The following TMPRSS15 variants were observed in gnomAD, a reference collection of about 807,000 sequenced individuals.
The protein encoded by TMPRSS15 is enteropeptidase.
Under a neutral mutation model 125.3 loss-of-function variants are expected in TMPRSS15, and 128 were observed. That is an observed-to-expected ratio of 1.02 (90% CI 0.89 to 1.18). TMPRSS15 has a LOEUF of 1.18. TMPRSS15 is among the 50% of genes most tolerant of loss of function. TMPRSS15 has a pLI of 0.00. For missense variants in TMPRSS15, 1,283 were observed against 1,212.7 expected (o/e 1.06, Z -0.86); for synonymous variants, 446 against 423.2 (o/e 1.05, Z -0.66).
chr21:18,400,322 G>A (rs1047304868), intron 1 of TMPRSS15, among the ~76,000 whole-genome samples: 7 of 152,038 alleles, frequency 4.6e-5, no homozygotes, highest in African/African-American at 1.4e-4. Context: ...GCAACTTCAT[G>A]CTATACTATA....
rs1408857336 is a variant in TMPRSS15 at position 18,312,737 on chromosome 21, G to A, written c.2165+208C>T. On this transcript the variant is annotated intron_variant, in intron 18 of 24. Coordinates refer to ENST00000284885, the MANE Select transcript of TMPRSS15 (RefSeq NM_002772.3). ...ATTGTATTTTATATAATATTTACATGTACTTTATACAGTATTCATACAAAG... is the reference window on the plus strand; with the variant it reads ...ATTGTATTTTATATAATATTTACATATACTTTATACAGTATTCATACAAAG... Among the ~76,000 whole-genome samples the A allele has an allele frequency of 3.3e-5, 5 of 151,788 alleles. No individual in the cohort carries two copies. In the East Asian group the frequency reaches 5.9e-4, roughly 18 times the overall value.
chr21:18,414,875 C>T (rs2076176171), intron 1 of TMPRSS15, among the ~76,000 whole-genome samples: 1 of 152,056 alleles, frequency 6.6e-6, no homozygotes, highest in Non-Finnish European at 1.5e-5. Flanking sequence ...GGGATATATA[C>T]CCAGAAGTGG....
At chr21:18,383,537 A>C (rs2075912795) in intron 4 of TMPRSS15, 90 bp downstream of exon 4, 3 of 1,465,764 alleles carry the variant, frequency 2.0e-6, no homozygotes, top group African/African-American at 2.8e-5. Flanking sequence ...CCTAAGGTCA[A>C]GCATGATTCC....
At chr21:18,272,036 A>AAAT (rs1392307092) in intron 24 of TMPRSS15, among the ~76,000 whole-genome samples, 1 of 152,214 alleles carries the variant, frequency 6.6e-6, no homozygotes, top group East Asian at 1.9e-4. Flanking sequence ...GTGCTGCAAT[A>AAAT]AATACACGTG....
chr21:18,465,150 T>A (rs905883698), intron 1 of TMPRSS15, among the ~76,000 whole-genome samples: 1 of 152,006 alleles, frequency 6.6e-6, no homozygotes, highest in African/African-American at 2.4e-5. Flanking sequence ...ACAGAACCAA[T>A]GACAAAAACC....
chr21:18,376,374 G>A (rs1216968278), intron 5 of TMPRSS15, among the ~76,000 whole-genome samples: 2 of 151,982 alleles, frequency 1.3e-5, no homozygotes, highest in Non-Finnish European at 2.9e-5. Context: ...GAAAAAGAAC[G>A]ATTCCTAAAG....
In TMPRSS15 at chr21:18,396,847, T is replaced by TATCTATCTATC. The variant is rs200141519; in HGVS notation, c.344+1031_344+1032insGATAGATAGAT. On this transcript the variant is annotated intron_variant, in intron 3 of 24. Transcript: ENST00000284885. ...CTATCTATCTATCTATCTATCTATC[T>TATCTATCTATC]ATCTTAAGTCACAAAAGGCTTGGCC... Among the ~76,000 whole-genome samples the TATCTATCTATC allele has an allele frequency of 2.2e-3, 302 of 139,486 alleles. 1 individual carries two copies. The highest frequency in any genetic ancestry group is 7.2e-3 in the African/African-American group (280 of 38,738). 91.5% of individuals were successfully genotyped at this position (139,486 alleles called of 152,430 possible). A position where few individuals can be genotyped will look rare whatever the true frequency, so the allele number is the denominator to read the frequency against.
At chr21:18,320,611 T>C (rs1039664760) in intron 16 of TMPRSS15, among the ~76,000 whole-genome samples, 1 of 152,308 alleles carries the variant, frequency 6.6e-6, no homozygotes, top group Middle Eastern at 3.4e-3. Context: ...GGTTATATTC[T>C]ATGAATCCAG....
chr21:18,305,023 TAAAC>T (rs1266358822), intron 18 of TMPRSS15, among the ~76,000 whole-genome samples: 1 of 151,976 alleles, frequency 6.6e-6, no homozygotes, highest in East Asian at 1.9e-4. Flanking sequence ...CTATGACACA[TAAAC>T]AAAGGTTGAG....
chr21:18,292,661 A>T (rs981368943), intron 21 of TMPRSS15, among the ~76,000 whole-genome samples: 2 of 152,220 alleles, frequency 1.3e-5, no homozygotes, highest in African/African-American at 4.8e-5. Flanking sequence ...AGGTTGATAT[A>T]GCAAGGTTGC....
At chr21:18,432,800 A>T (rs1338829535) in intron 1 of TMPRSS15, among the ~76,000 whole-genome samples, 5 of 152,148 alleles carry the variant, frequency 3.3e-5, no homozygotes. Context: ...CACTTTGTTT[A>T]GGCAACCCTA....
At chr21:18,397,260 GCAA>G (rs2076049424) in intron 3 of TMPRSS15, among the ~76,000 whole-genome samples, 1 of 152,028 alleles carries the variant, frequency 6.6e-6, no homozygotes, top group Admixed American at 6.6e-5. Context: ...TGATACAACA[GCAA>G]CAACAACACA....
rs1672065727 is a variant in TMPRSS15, at chr21:18,397,929, TAGAA to T, written c.290_293del (p.Phe97TyrfsTer5). 1.3e-6 allele frequency: 2 copies of T among 1,539,148 alleles called. No individual in the cohort carries two copies. The highest frequency in any genetic ancestry group is 1.8e-6 in the Non-Finnish European group (2 of 1,121,590). ...TATATTCATTCTTCAGATTGCTTGA[TAGAA>T]AGATCTCATCTATCTAGAAAAATAT... is the stretch of plus-strand genomic sequence containing the variant. On this transcript the variant is annotated frameshift_variant, in exon 3 of 25. Transcript: ENST00000284885. LOFTEE classifies it high-confidence loss of function.
At chr21:18,328,171 T>G (rs1458678499) in intron 15 of TMPRSS15, among the ~76,000 whole-genome samples, 2 of 152,054 alleles carry the variant, frequency 1.3e-5, no homozygotes, top group African/African-American at 2.4e-5. Flanking sequence ...TACACAAAAT[T>G]TCCTCTATAA....
intron 1 of TMPRSS15, among the ~76,000 whole-genome samples, chr21:18,482,428 GAGA>G (rs1978998746): frequency 6.6e-6 from 1 of 151,384 alleles, no homozygotes; most frequent in African/African-American, 2.4e-5. Context: ...GTTGCTAGAA[GAGA>G]AGACTTGAAT....
intron 16 of TMPRSS15, among the ~76,000 whole-genome samples, chr21:18,321,347 T>TTG (rs2075232675): frequency 9.4e-6 from 1 of 105,852 alleles, no homozygotes. Flanking sequence ...ATTTTTTTCC[T>TTG]TCTTTTTTTT....
chr21:18,365,107 C>T, intron 7 of TMPRSS15, 33 bp downstream of exon 7: 3 of 1,575,104 alleles, frequency 1.9e-6, no homozygotes, highest in Non-Finnish European at 2.6e-6. Context: ...CGCTTTATGA[C>T]TTAAGAACAG....
intron 4 of TMPRSS15, among the ~76,000 whole-genome samples, chr21:18,382,791 TCTCAACAATA>T (rs549877471): frequency 6.6e-6 from 1 of 152,160 alleles, no homozygotes; most frequent in Admixed American, 6.5e-5. Flanking sequence ...TTACTACTGT[TCTCAACAATA>T]CTCAATAAGG....
chr21:18,285,340 G>A (rs989301605), intron 21 of TMPRSS15, among the ~76,000 whole-genome samples: 1 of 152,162 alleles, frequency 6.6e-6, no homozygotes, highest in African/African-American at 2.4e-5. Flanking sequence ...GCAGTAGAAA[G>A]CAAATATGGT....
Sources: allele counts gnomAD v4.1 joint callset (sites outside exome capture counted in the v4.1 genomes callset), GRCh38; gene constraint gnomAD v4.1.1; transcripts MANE v1.5; gene names NCBI Gene and HGNC (gene_info 2026-07-23, HGNC 2026-07-21).